Variants in PLEKHG1 observed in about 807,000 individuals in gnomAD.
PLEKHG1 encodes the protein pleckstrin homology domain-containing family G member 1.
PLEKHG1 carries 44 observed loss-of-function variants against 100.8 expected under a neutral mutation model. The ratio of observed to expected loss-of-function variants is 0.44; its 90% CI spans 0.34 to 0.56. PLEKHG1 has a LOEUF of 0.56. Among genes scored for constraint, PLEKHG1 ranks in the 20% least tolerant of loss-of-function variants. The pLI is 0.01. For synonymous variants in PLEKHG1, 640 were observed against 662.5 expected (o/e 0.97, Z 0.52); for missense variants, 1,545 against 1,720.9 (o/e 0.90, Z 1.81).
chr6:150,833,508 A>G (rs1207405636), intron 15 of PLEKHG1, among the ~76,000 whole-genome samples: 2 of 152,240 alleles, frequency 1.3e-5, no homozygotes, highest in South Asian at 2.1e-4. Flanking sequence ...GATCAGGACT[A>G]TGGGAATGAG....
At position 150,601,122 on chromosome 6, in the gene PLEKHG1, T is replaced by G. The variant is rs1295045914; in HGVS notation, c.-204+1105T>G. Among the ~76,000 whole-genome samples, 3 of 152,164 alleles carry G rather than the reference T, an allele frequency of 2.0e-5. No homozygotes were observed. In the East Asian group the frequency reaches 5.8e-4, roughly 29 times the overall value. On this transcript the variant is annotated intron_variant, in intron 1 of 3. Coordinates refer to the PLEKHG1 transcript ENST00000367326. ...AAAGACTAGAATGTTAACTCTAGGG[T>G]CCAGTTTGTCATCTAACAGAATTCC...
intron 2 of PLEKHG1, among the ~76,000 whole-genome samples, chr6:150,643,180 A>G (rs1262172688): frequency 2.6e-5 from 4 of 152,168 alleles, no homozygotes; most frequent in Admixed American, 6.5e-5. Flanking sequence ...CCAGGTAACT[A>G]TGCCAACTTT....
chr6:150,625,436 A>G (rs1460871046), intron 1 of PLEKHG1, among the ~76,000 whole-genome samples: 1 of 152,060 alleles, frequency 6.6e-6, no homozygotes, highest in East Asian at 1.9e-4. Context: ...TAGTATGGGA[A>G]CACCAGTCAT....
chr6:150,676,749 A>ACTTAGTGAC (rs1779768172), intron 3 of PLEKHG1, among the ~76,000 whole-genome samples: 2 of 152,208 alleles, frequency 1.3e-5, no homozygotes, highest in Admixed American at 6.5e-5. Flanking sequence ...GAGAAAAAAT[A>ACTTAGTGAC]CTTAGTGACA....
At chr6:150,688,164 T>C (rs1780207561) in intron 3 of PLEKHG1, among the ~76,000 whole-genome samples, 1 of 152,182 alleles carries the variant, frequency 6.6e-6, no homozygotes, top group South Asian at 2.1e-4. Context: ...TTTAAAAAAT[T>C]AATCATCTGA....
chr6:150,775,185 G>A (rs1364555952), intron 3 of PLEKHG1, among the ~76,000 whole-genome samples: 1 of 152,110 alleles, frequency 6.6e-6, no homozygotes, highest in Non-Finnish European at 1.5e-5. Context: ...TTCCTCATTT[G>A]AACCAGCCCC....
chr6:150,778,092 A>G (rs889457210), intron 3 of PLEKHG1, among the ~76,000 whole-genome samples: 8 of 152,366 alleles, frequency 5.3e-5, no homozygotes, highest in Middle Eastern at 6.8e-3. Context: ...TATACCTCAC[A>G]GGAGAACCCA....
intron 6 of PLEKHG1, among the ~76,000 whole-genome samples, chr6:150,804,352 A>T (rs1359547536): frequency 6.7e-6 from 1 of 149,450 alleles, no homozygotes; most frequent in Non-Finnish European, 1.5e-5. Context: ...CGCCCAGCTA[A>T]TTTTTGTATT....
At chr6:150,644,334 G>GGTTTTTTTT (rs1554255840) in intron 2 of PLEKHG1, among the ~76,000 whole-genome samples, 13 of 117,618 alleles carry the variant, frequency 1.1e-4, no homozygotes, top group South Asian at 2.9e-4. Context: ...TTCTTTTCGT[G>GGTTTTTTTT]TTTTTTTTTT....
At chr6:150,675,151 T>C (rs1453462867) in intron 3 of PLEKHG1, among the ~76,000 whole-genome samples, 1 of 152,170 alleles carries the variant, frequency 6.6e-6, no homozygotes, top group East Asian at 1.9e-4. Flanking sequence ...CAGCAGACAG[T>C]ATAGGGCAAG....
chr6:150,800,707 C>T lies in PLEKHG1; in HGVS notation c.630-12C>T. 1.2e-6 allele frequency: 2 copies of T among 1,610,704 alleles called. No individual in the cohort carries two copies. The highest frequency in any genetic ancestry group is 1.7e-6 in the Non-Finnish European group (2 of 1,178,236). On this transcript the variant is annotated splice_polypyrimidine_tract_variant and intron_variant, in intron 5 of 15. Coordinates refer to ENST00000358517, the Ensembl canonical transcript of PLEKHG1. ...ATTACAATTTAGATAAAAACATGGA[C>T]TCTTCCTGCAGGTCCGTGGCTGTGC...
At chr6:150,666,437 C>T (rs543366219) in intron 3 of PLEKHG1, among the ~76,000 whole-genome samples, 3 of 152,298 alleles carry the variant, frequency 2.0e-5, no homozygotes, top group East Asian at 1.9e-4. Context: ...CCCTCTGCTT[C>T]GGCTGTGTTG....
intron 1 of PLEKHG1, among the ~76,000 whole-genome samples, chr6:150,619,676 G>C (rs924055321): frequency 2.6e-5 from 4 of 152,196 alleles, no homozygotes. Flanking sequence ...AGGAGTGAGA[G>C]GAAGTACAGG....
intron 3 of PLEKHG1, among the ~76,000 whole-genome samples, chr6:150,689,732 G>A (rs1562438378): frequency 6.6e-6 from 1 of 152,046 alleles, no homozygotes; most frequent in Non-Finnish European, 1.5e-5. Flanking sequence ...GCACATGCCT[G>A]TAATGCCAGC....
intron 3 of PLEKHG1, among the ~76,000 whole-genome samples, chr6:150,689,018 T>C (rs1780247437): frequency 1.3e-5 from 2 of 152,246 alleles, no homozygotes; most frequent in Non-Finnish European, 2.9e-5. Context: ...TCTGTAACCA[T>C]TAAGCAGTAA....
intron 2 of PLEKHG1, among the ~76,000 whole-genome samples, chr6:150,736,083 T>C (rs931092830): frequency 1.3e-5 from 2 of 152,220 alleles, no homozygotes; most frequent in African/African-American, 4.8e-5. Flanking sequence ...TTTGGCCTTA[T>C]GGGGCCTAAG....
chr6:150,829,259 A>G (rs76642260), intron 14 of PLEKHG1, among the ~76,000 whole-genome samples: 2,542 of 152,328 alleles, frequency 0.017, 75 homozygotes, highest in African/African-American at 0.057. Flanking sequence ...TGTCTGCACC[A>G]CTGAGCTCCA....
chr6:150,674,687 C>CCG (rs1779696982), intron 3 of PLEKHG1, among the ~76,000 whole-genome samples: 1 of 142,216 alleles, frequency 7.0e-6, no homozygotes, highest in Non-Finnish European at 1.5e-5. Context: ...CTCTCTCCCC[C>CCG]CTCTTCTCTT....
At chr6:150,729,907 C>G (rs1782157041) in intron 1 of PLEKHG1, among the ~76,000 whole-genome samples, 2 of 152,058 alleles carry the variant, frequency 1.3e-5, no homozygotes, top group Admixed American at 1.3e-4. Context: ...CCACTCTTTC[C>G]CACCTTTGAA....
Sources: gnomAD v4.1 joint callset for allele counts (sites outside exome capture counted in the v4.1 genomes callset) on GRCh38, gnomAD v4.1.1 for gene constraint, MANE v1.5 for transcripts, NCBI Gene and HGNC (gene_info 2026-07-23, HGNC 2026-07-21) for gene names.